Variants in GPHN observed in about 807,000 individuals in gnomAD.
GPHN encodes gephyrin.
In GPHN, 17 loss-of-function variants were observed where a neutral mutation model predicts 95.5. The ratio of observed to expected loss-of-function variants is 0.18; its 90% CI spans 0.12 to 0.27. The LOEUF is 0.27. GPHN is among the 10% of genes least tolerant of loss of function. The pLI, the probability that GPHN is intolerant of heterozygous loss-of-function variation, is 1.00. For synonymous variants in GPHN, 320 were observed against 322.5 expected, an observed-to-expected ratio of 0.99 and a Z score of 0.08; for missense variants, 660 against 978.1, an observed-to-expected ratio of 0.67 and a Z score of 4.34.
intron 1 of GPHN, among the ~76,000 whole-genome samples, chr14:66,580,411 C>T (rs1356222721): frequency 6.6e-6 from 1 of 151,294 alleles, no homozygotes; most frequent in Non-Finnish European, 1.5e-5. Context: ...ATCAACAAAG[C>T]TAAGAGTTGT....
intron 8 of GPHN, among the ~76,000 whole-genome samples, chr14:66,945,744 G>A (rs2067709480): frequency 1.3e-5 from 2 of 152,182 alleles, no homozygotes; most frequent in African/African-American, 4.8e-5. Context: ...GTAAAAGAAA[G>A]CAGTGTGGAC....
intron 1 of GPHN, among the ~76,000 whole-genome samples, chr14:66,532,775 G>A (rs1361797011): frequency 1.3e-5 from 2 of 152,188 alleles, no homozygotes; most frequent in Non-Finnish European, 1.5e-5. Flanking sequence ...GCTCTACCCT[G>A]TAAGTAGTCT....
chr14:66,848,672 A>G (rs2062441960), intron 4 of GPHN, among the ~76,000 whole-genome samples: 1 of 150,968 alleles, frequency 6.6e-6, no homozygotes. Flanking sequence ...ATAGAAAAAT[A>G]TATGGTCATT....
chr14:66,648,655 G>A (rs1467909866), intron 1 of GPHN, among the ~76,000 whole-genome samples: 2 of 152,142 alleles, frequency 1.3e-5, no homozygotes, highest in African/African-American at 4.8e-5. Flanking sequence ...AGAATAGACT[G>A]TGAGGTTCAC....
chr14:67,545,203 C>T, the GPHN span, among the ~76,000 whole-genome samples: 1 of 152,258 alleles, frequency 6.6e-6, no homozygotes, highest in East Asian at 1.9e-4. Flanking sequence ...AAGTTAGTGA[C>T]TCGGAGGTTT....
At chr14:66,970,276 T>A (rs962215576) in intron 9 of GPHN, among the ~76,000 whole-genome samples, 5 of 152,186 alleles carry the variant, frequency 3.3e-5, no homozygotes, top group African/African-American at 1.2e-4. Context: ...AATTATTACT[T>A]CTTTGTAGGT....
At chr14:66,594,079 CA>C (rs1321491229) in intron 1 of GPHN, among the ~76,000 whole-genome samples, 2 of 151,910 alleles carry the variant, frequency 1.3e-5, no homozygotes. Flanking sequence ...ACAGTAGTTT[CA>C]AAAATAAATT....
At chr14:67,040,294 T>C (rs1437615982) in intron 10 of GPHN, among the ~76,000 whole-genome samples, 2 of 152,144 alleles carry the variant, frequency 1.3e-5, no homozygotes, top group Non-Finnish European at 1.5e-5. Flanking sequence ...TTTCTCTCTA[T>C]AAATTAATAT....
chr14:66,953,356 G>C (rs955534310), intron 8 of GPHN, among the ~76,000 whole-genome samples: 1 of 151,814 alleles, frequency 6.6e-6, no homozygotes, highest in African/African-American at 2.4e-5. Context: ...TAATTTTTCT[G>C]TTGTTGCTTG....
chr14:66,937,641 G>C (rs1394483283), intron 8 of GPHN, among the ~76,000 whole-genome samples: 5 of 151,536 alleles, frequency 3.3e-5, no homozygotes, highest in Admixed American at 6.6e-5. Flanking sequence ...GCCTCCCAAA[G>C]TGCTGGATTA....
Position 67,110,143 on chromosome 14 carries a change from A to C in GPHN, c.1297A>C (p.Thr433Pro), listed in dbSNP as rs777470300. The C allele has an allele frequency of 1.2e-6, 2 of 1,613,372 alleles. No homozygotes were observed. Among genetic ancestry groups the C allele is most frequent in the Non-Finnish European group, 1.7e-6 (2 of 1,179,324 alleles). The stretch of plus-strand genomic sequence containing the variant: ...TCTTTTTCATCTTTATTTCCAGCCA[A>C]CTCAGACAGTAATGCCAGGACAAGT... ...IGESQAGEQP[T>P]QTVMPGQVMR... Residue 433 changes from threonine to proline, a missense_variant, in exon 14 of 23, where the codon ACT becomes CCT. Physicochemically the swap from Thr to Pro is conservative, Grantham distance 38 (BLOSUM62 -1). Transcript: ENST00000478722.
chr14:67,095,729 T>C (rs989292354), intron 12 of GPHN, among the ~76,000 whole-genome samples: 2 of 151,434 alleles, frequency 1.3e-5, no homozygotes, highest in African/African-American at 4.9e-5. Context: ...AATTGAACAG[T>C]GAGAACCCAT....
At chr14:66,924,141 A>G (rs1025783347) in intron 7 of GPHN, 53 bp from the exon 8 acceptor site, 17 of 965,698 alleles carry the variant, frequency 1.8e-5, no homozygotes, top group South Asian at 1.7e-4. Context: ...TTGCTTGTAT[A>G]GTTTCATGTT....
At chr14:67,316,982 A>G in the GPHN span, 9 of 1,112,956 alleles carry the variant, frequency 8.1e-6, no homozygotes, top group Admixed American at 2.1e-4. Context: ...GCATATTAGA[A>G]CCGTGAAGAA....
the GPHN span, among the ~76,000 whole-genome samples, chr14:67,640,161 T>C: frequency 1.3e-5 from 2 of 152,192 alleles, no homozygotes; most frequent in African/African-American, 4.8e-5. Context: ...TTCACATTTT[T>C]ATCTTGGTTC....
the GPHN span, chr14:67,586,428 C>T: frequency 7.5e-7 from 1 of 1,328,462 alleles, no homozygotes; most frequent in Non-Finnish European, 9.9e-7. Context: ...TTGCAGCAGT[C>T]CTCAAGGCAG....
chr14:67,021,136 G>C (rs1333840733), intron 9 of GPHN, among the ~76,000 whole-genome samples: 1 of 151,992 alleles, frequency 6.6e-6, no homozygotes, highest in Non-Finnish European at 1.5e-5. Flanking sequence ...AAGAGAAAAA[G>C]TTATTTGCTA....
intron 9 of GPHN, among the ~76,000 whole-genome samples, chr14:67,005,737 C>T (rs1268831370): frequency 2.6e-5 from 4 of 151,802 alleles, no homozygotes; most frequent in East Asian, 1.9e-4. Flanking sequence ...GCATCACTTT[C>T]GAATCTACCT....
the GPHN span, chr14:67,578,536 C>T: frequency 1.2e-6 from 2 of 1,606,854 alleles, no homozygotes; most frequent in African/African-American, 2.7e-5. This position sits in a 1 kb window ranked among gnomAD's most constrained non-coding sequence, Gnocchi z 5.0. Flanking sequence ...CCTGGCAGTG[C>T]TGGCAGCTCC....
Sources: gnomAD v4.1 joint callset for allele counts (sites outside exome capture counted in the v4.1 genomes callset) on GRCh38, gnomAD v4.1.1 for gene constraint, Gnocchi (gnomAD v3.1) non-coding constraint, MANE v1.5 for transcripts, NCBI Gene and HGNC (gene_info 2026-07-23, HGNC 2026-07-21) for gene names.